CSTA: variants seen among roughly 807,000 people sequenced by gnomAD.
CSTA encodes cystatin-A.
A neutral mutation model predicts 9.2 loss-of-function variants in CSTA; 9 were observed. That is an observed-to-expected ratio of 0.97 (90% CI 0.59 to 1.70). The LOEUF (loss-of-function observed/expected upper bound fraction) is 1.70, where lower values mean the gene tolerates loss of function less well. Ranked by LOEUF, CSTA falls within the 40% of genes most tolerant of loss-of-function variation. The pLI is 0.00. For synonymous variants in CSTA, 36 were observed against 40.6 expected (o/e 0.89, Z 0.43); for missense variants, 118 against 113.1 (o/e 1.04, Z -0.20).
intron 2 of CSTA, among the ~76,000 whole-genome samples, chr3:122,338,547 G>C (rs536006833): frequency 6.7e-6 from 1 of 149,910 alleles, no homozygotes; most frequent in African/African-American, 2.4e-5. Context: ...AGTCAGCTCA[G>C]CATAAGAAAG....
At chr3:122,333,651 G>A (rs9825704) in intron 1 of CSTA, among the ~76,000 whole-genome samples, 18,471 of 145,560 alleles carry the variant, frequency 0.13, 1,510 homozygotes, top group East Asian at 0.45. Context: ...GAAAAGGAAA[G>A]GAAAGGAAGA....
At chr3:122,334,612 GT>G (rs1198179467) in intron 1 of CSTA, among the ~76,000 whole-genome samples, 1 of 152,174 alleles carries the variant, frequency 6.6e-6, no homozygotes, top group Non-Finnish European at 1.5e-5. Flanking sequence ...ATAAAAGCAA[GT>G]TCTCAATAAA....
intron 1 of CSTA, among the ~76,000 whole-genome samples, chr3:122,331,123 A>ACACT (rs1553771971): frequency 1.4e-4 from 22 of 151,930 alleles, no homozygotes; most frequent in African/African-American, 5.1e-4. Flanking sequence ...ACACACACAC[A>ACACT]CACACACACA....
At chr3:122,325,728 T>G in intron 1 of CSTA, among the ~76,000 whole-genome samples, 1 of 152,232 alleles carries the variant, frequency 6.6e-6, no homozygotes, top group Non-Finnish European at 1.5e-5. Flanking sequence ...AGTCTAAGGT[T>G]ATTAACAATT....
chr3:122,327,390 G>A (rs1371033990), intron 1 of CSTA, among the ~76,000 whole-genome samples: 20 of 151,690 alleles, frequency 1.3e-4, no homozygotes, highest in African/African-American at 2.4e-4. Flanking sequence ...TCAGCTTGGC[G>A]TGGTGGCGGG....
chr3:122,327,063 C>T (rs59503001), intron 1 of CSTA, among the ~76,000 whole-genome samples: 2 of 151,850 alleles, frequency 1.3e-5, no homozygotes, highest in African/African-American at 4.8e-5. Context: ...CATGGTGAAA[C>T]CCCATCTCTA....
intron 1 of CSTA, among the ~76,000 whole-genome samples, chr3:122,337,086 A>T (rs907427203): frequency 1.3e-5 from 2 of 152,220 alleles, no homozygotes; most frequent in Admixed American, 6.5e-5. Context: ...ATAGTATTAT[A>T]CCATGTTAAT....
At chr3:122,340,245 A>G (rs1484248294) in intron 2 of CSTA, among the ~76,000 whole-genome samples, 1 of 152,112 alleles carries the variant, frequency 6.6e-6, no homozygotes, top group Non-Finnish European at 1.5e-5. Flanking sequence ...TCATGTCCAA[A>G]CTACTGCTTC....
intron 1 of CSTA, among the ~76,000 whole-genome samples, chr3:122,333,591 G>GAAAGAA (rs1476620388): frequency 9.0e-6 from 1 of 111,206 alleles, no homozygotes; most frequent in African/African-American, 3.4e-5. Flanking sequence ...AAGAAAGAAA[G>GAAAGAA]AAGAAAGAGA....
At chr3:122,328,903 T>C (rs1249802203) in intron 1 of CSTA, among the ~76,000 whole-genome samples, 1 of 150,826 alleles carries the variant, frequency 6.6e-6, no homozygotes, top group Non-Finnish European at 1.5e-5. Flanking sequence ...ACTGTGCCAC[T>C]GCACTCCAGC....
intron 1 of CSTA, among the ~76,000 whole-genome samples, chr3:122,336,260 G>A (rs191844615): frequency 6.6e-6 from 1 of 152,228 alleles, no homozygotes; most frequent in African/African-American, 2.4e-5. Context: ...AGGAGGCAAG[G>A]AAACTTCAAG....
chr3:122,334,108 C>T (rs889482341), intron 1 of CSTA, among the ~76,000 whole-genome samples: 8 of 152,146 alleles, frequency 5.3e-5, no homozygotes, highest in Non-Finnish European at 7.4e-5. Flanking sequence ...ATCCTTTCTC[C>T]GCTCTCCTGC....
intron 1 of CSTA, among the ~76,000 whole-genome samples, chr3:122,331,104 A>AACAC (rs10575257): frequency 0.014 from 2,011 of 141,168 alleles, 28 homozygotes; most frequent in African/African-American, 0.038. Context: ...GCACACAACA[A>AACAC]ACACACACAC....
intron 1 of CSTA, 21 bp downstream of exon 1, chr3:122,325,379 A>G: frequency 6.2e-7 from 1 of 1,611,764 alleles, no homozygotes; most frequent in Non-Finnish European, 8.5e-7. Context: ...GCCATTCAGG[A>G]AAAAGTCTGA....
intron 1 of CSTA, among the ~76,000 whole-genome samples, chr3:122,329,886 T>A (rs543610574): frequency 1.3e-3 from 192 of 152,316 alleles, no homozygotes; most frequent in African/African-American, 4.4e-3. Flanking sequence ...GCAGTTCAGC[T>A]CCTCTGGTGT....
At chr3:122,330,167 G>A (rs1326932823) in intron 1 of CSTA, among the ~76,000 whole-genome samples, 1 of 152,208 alleles carries the variant, frequency 6.6e-6, no homozygotes, top group African/African-American at 2.4e-5. Context: ...ATGGATAGAT[G>A]CTAGTAATTT....
chr3:122,327,524 G>A (rs139493434), intron 1 of CSTA, among the ~76,000 whole-genome samples: 15,237 of 97,244 alleles, frequency 0.16, 1,197 homozygotes, highest in East Asian at 0.52. Flanking sequence ...GTGAGACTCC[G>A]TCTCAAAAAA....
intron 2 of CSTA, among the ~76,000 whole-genome samples, chr3:122,340,407 C>T (rs1416145997): frequency 1.3e-5 from 2 of 151,982 alleles, no homozygotes; most frequent in Non-Finnish European, 2.9e-5. Flanking sequence ...CGGATTCAAG[C>T]GATTCTCCTG....
At position 122,337,666 on chromosome 3, in the gene CSTA, A is replaced by G; in HGVS notation, c.168+18A>G. 1 of 1,405,684 alleles carries G rather than the reference A, an allele frequency of 7.1e-7. No homozygotes were observed. The highest frequency in any genetic ancestry group is 1.0e-6 in the Non-Finnish European group (1 of 989,342). 87.1% of individuals were successfully genotyped at this position (1,405,684 alleles called of 1,614,324 possible). On this transcript the variant is annotated intron_variant, in intron 2 of 2. Transcript: ENST00000264474. The stretch of plus-strand genomic sequence containing the variant: ...ACATTAAGGTTAGAGTTCAGCACCT[A>G]CTTTAGCGCCAAAAGATGTATTTCT...
Sources: gnomAD v4.1 joint callset for allele counts (sites outside exome capture counted in the v4.1 genomes callset) on GRCh38, gnomAD v4.1.1 for gene constraint, MANE v1.5 for transcripts, NCBI Gene and HGNC (gene_info 2026-07-23, HGNC 2026-07-21) for gene names.